ZNF267: variants seen among roughly 807,000 people sequenced by gnomAD.
ZNF267 encodes the protein zinc finger (C2H2).
In ZNF267, 61 loss-of-function variants were observed where a neutral mutation model predicts 71.6. The observed-to-expected ratio is 0.85, with a 90% CI of 0.69 to 1.05. ZNF267 has a LOEUF of 1.05. ZNF267 is among the 50% of genes least tolerant of loss of function. The probability of loss-of-function intolerance (pLI) is 0.00; values close to 1 mark genes in which losing one functional copy is unlikely to be tolerated. For synonymous variants in ZNF267, 288 were observed against 293.2 expected (o/e 0.98, Z 0.18); for missense variants, 852 against 870.0 (o/e 0.98, Z 0.26).
intron 1 of ZNF267, among the ~76,000 whole-genome samples, chr16:31,884,296 C>T (rs762250844): frequency 1.3e-5 from 2 of 152,168 alleles, no homozygotes; most frequent in Non-Finnish European, 2.9e-5. Context: ...TAAATATCTA[C>T]ACTAGTTTTG....
chr16:31,875,202 G>C (rs1184954554), intron 1 of ZNF267: 1 of 1,289,154 alleles, frequency 7.8e-7, no homozygotes, highest in Non-Finnish European at 1.0e-6. Context: ...CTGAATTTCA[G>C]AACTGTCTGG....
intron 3 of ZNF267, among the ~76,000 whole-genome samples, chr16:31,897,816 G>A (rs1219062968): frequency 6.6e-6 from 1 of 152,042 alleles, no homozygotes; most frequent in Non-Finnish European, 1.5e-5. Context: ...CTATTCTGTT[G>A]TAGTCAAAAA....
chr16:31,888,248 A>G lies in ZNF267; in HGVS notation c.226+2992A>G, dbSNP rs544197930. On this transcript the variant is annotated intron_variant, in intron 3 of 3. Coordinates refer to ENST00000300870, the MANE Select transcript of ZNF267 (RefSeq NM_003414.6). Reference sequence around the variant, plus strand: ...TTTACTGAATGGATATATTAGCTCTATTTTTTGTTTGTTTGGTATAGTCTT... The same window carrying G: ...TTTACTGAATGGATATATTAGCTCTGTTTTTTGTTTGTTTGGTATAGTCTT... Among the ~76,000 whole-genome samples, 8 of 152,016 alleles carry G rather than the reference A, an allele frequency of 5.3e-5. No homozygotes were observed. In the South Asian group the frequency reaches 1.0e-3, roughly 20 times the overall value.
At chr16:31,887,639 A>G (rs1183781212) in intron 3 of ZNF267, among the ~76,000 whole-genome samples, 2 of 152,054 alleles carry the variant, frequency 1.3e-5, no homozygotes, top group Admixed American at 6.5e-5. Context: ...TGAAGAGACT[A>G]TACTTCCCCT....
intron 3 of ZNF267, among the ~76,000 whole-genome samples, chr16:31,899,186 T>C (rs574011686): frequency 3.0e-4 from 46 of 152,296 alleles, no homozygotes; most frequent in Non-Finnish European, 5.6e-4. Context: ...GCAGACCTAA[T>C]AGACATCTAC....
At chr16:31,886,150 A>T (rs1241230127) in intron 3 of ZNF267, among the ~76,000 whole-genome samples, 4 of 152,204 alleles carry the variant, frequency 2.6e-5, no homozygotes, top group African/African-American at 4.8e-5. Flanking sequence ...TTTAAAGGTT[A>T]CATCTTGATG....
intron 2 of ZNF267, 78 bp downstream of exon 2, chr16:31,884,702 G>A (rs570777193): frequency 6.9e-7 from 1 of 1,446,592 alleles, no homozygotes; most frequent in Non-Finnish European, 9.4e-7. Flanking sequence ...GGGATCTTGT[G>A]CTTTGTATGA....
chr16:31,902,682 G>A (rs1381914061), intron 3 of ZNF267, among the ~76,000 whole-genome samples: 1 of 152,172 alleles, frequency 6.6e-6, no homozygotes, highest in Non-Finnish European at 1.5e-5. Flanking sequence ...TCAGCTTAAG[G>A]AGATTTTGGG....
intron 1 of ZNF267, chr16:31,874,291 A>C: frequency 3.3e-6 from 1 of 301,504 alleles, no homozygotes; most frequent in Non-Finnish European, 6.1e-6. Context: ...CTCAGGGGAG[A>C]CCCAGGTTCG....
chr16:31,907,375 C>A (rs1044586884), intron 3 of ZNF267, among the ~76,000 whole-genome samples: 3 of 151,960 alleles, frequency 2.0e-5, no homozygotes, highest in African/African-American at 7.3e-5. Context: ...ATTTTTTAAT[C>A]CTGTTTGCCT....
chr16:31,903,473 T>C (rs1458464342), intron 3 of ZNF267, among the ~76,000 whole-genome samples: 1 of 152,224 alleles, frequency 6.6e-6, no homozygotes, highest in Non-Finnish European at 1.5e-5. Flanking sequence ...GAGCCTGTTA[T>C]TGGTCTGTTT....
At chr16:31,886,376 G>T (rs2083924547) in intron 3 of ZNF267, among the ~76,000 whole-genome samples, 1 of 152,166 alleles carries the variant, frequency 6.6e-6, no homozygotes, top group South Asian at 2.1e-4. Context: ...TGACCATTGG[G>T]CCAGCAAGCA....
rs1567239784 is a variant in ZNF267 at position 31,915,108 on chromosome 16, ACCAT to A, written c.864_867del (p.His289SerfsTer25). On this transcript the variant is annotated frameshift_variant, in exon 4 of 4. Transcript: ENST00000300870. LOFTEE classifies it high-confidence loss of function. ...GTCATTAAAACATATTCAACATCAG[ACCAT>A]CCATATCAGAGAAAACTCATATAGC... The A allele has an allele frequency of 6.2e-7, 1 of 1,613,682 alleles. No homozygotes were observed. The highest frequency in any genetic ancestry group is 1.7e-5 in the Admixed American group (1 of 59,982).
chr16:31,903,927 G>T (rs2142353472), intron 3 of ZNF267, among the ~76,000 whole-genome samples: 1 of 152,268 alleles, frequency 6.6e-6, no homozygotes, highest in South Asian at 2.1e-4. Flanking sequence ...GGCATTTAGT[G>T]CTATAAATTT....
At chr16:31,908,664 G>GA (rs962066810) in intron 3 of ZNF267, among the ~76,000 whole-genome samples, 4 of 151,132 alleles carry the variant, frequency 2.6e-5, no homozygotes, top group South Asian at 4.2e-4. Context: ...ACTGGTTATT[G>GA]AAAAAAAACT....
At chr16:31,909,115 CTTTTCTTTT>C (rs1248227248) in intron 3 of ZNF267, among the ~76,000 whole-genome samples, 15 of 88,740 alleles carry the variant, frequency 1.7e-4, no homozygotes, top group Admixed American at 9.0e-4. Context: ...TATTTCTTTT[CTTTTCTTTT>C]TTTTTTTTTT....
chr16:31,886,139 A>C (rs935606508), intron 3 of ZNF267, among the ~76,000 whole-genome samples: 1 of 152,022 alleles, frequency 6.6e-6, no homozygotes, highest in African/African-American at 2.4e-5. Flanking sequence ...AATATTATCT[A>C]TTTAAAGGTT....
chr16:31,889,701 A>G (rs1387227737), intron 3 of ZNF267, among the ~76,000 whole-genome samples: 2 of 152,202 alleles, frequency 1.3e-5, no homozygotes, highest in African/African-American at 2.4e-5. Context: ...AGGCAGTCAC[A>G]TGGCAAGAGC....
Position 31,914,754 on chromosome 16 carries a change from T to A in ZNF267, c.505T>A (p.Phe169Ile), listed in dbSNP as rs2084160539. The change falls in exon 4 of 4, where the codon TTT (phenylalanine) becomes ATT (isoleucine). Residue 169 changes from phenylalanine (F) to isoleucine (I), a missense_variant. Phe to Ile is a conservative substitution (Grantham distance 21). Coordinates refer to ENST00000300870, the MANE Select transcript of ZNF267 (RefSeq NM_003414.6). ...TAACTTTGATCAATATAGGAAGGTC[T>A]TTACTCATTCATCATTGCTTAATCA... ...SYNFDQYRKVFTHSSLLNQQE... is the reference protein window; with the variant it reads ...SYNFDQYRKVITHSSLLNQQE... 6.2e-7 allele frequency: 1 copy of A among 1,614,040 alleles called. No individual in the cohort carries two copies.
Sources: allele counts gnomAD v4.1 joint callset (sites outside exome capture counted in the v4.1 genomes callset), GRCh38; gene constraint gnomAD v4.1.1; transcripts MANE v1.5; gene names NCBI Gene and HGNC (gene_info 2026-07-23, HGNC 2026-07-21).